SMIM3: variants seen among roughly 807,000 people sequenced by gnomAD.
SMIM3 encodes NGF-induced differentiation clone 67 protein.
In SMIM3, 4 loss-of-function variants were observed where a neutral mutation model predicts 2.1. That is an observed-to-expected ratio of 1.89 (90% CI 0.93 to 4.31). The LOEUF (loss-of-function observed/expected upper bound fraction) is 4.31, where lower values mean the gene tolerates loss of function less well. Among genes scored for constraint, SMIM3 ranks in the 30% most tolerant of loss-of-function variants. SMIM3 has a pLI of 0.01. For synonymous variants in SMIM3, 29 were observed against 30.8 expected, an observed-to-expected ratio of 0.94 and a Z score of 0.19; for missense variants, 79 against 77.7, an observed-to-expected ratio of 1.02 and a Z score of -0.06.
At chr5:150,784,710 T>C (rs1316618720) in intron 1 of SMIM3, among the ~76,000 whole-genome samples, 1 of 152,220 alleles carries the variant, frequency 6.6e-6, no homozygotes, top group Non-Finnish European at 1.5e-5. Flanking sequence ...GTGTCTCTTA[T>C]AAAAAATATA....
chr5:150,784,319 T>C lies in SMIM3; in HGVS notation c.-12+5347T>C, dbSNP rs558023351. On this transcript the variant is annotated intron_variant, in intron 1 of 1. Transcript: ENST00000526627. ...TAGTTATTATTTCCATTTTACAAAT[T>C]AGGAGACTAAAGCTCAAAGAGGTTA... 7.9e-5 allele frequency among the ~76,000 whole-genome samples: 12 copies of C among 152,298 alleles called. No homozygotes were observed. The South Asian group carries it at 2.5e-3, about 32-fold the overall frequency.
chr5:150,785,344 C>G (rs915231378), intron 1 of SMIM3, among the ~76,000 whole-genome samples: 3 of 151,930 alleles, frequency 2.0e-5, no homozygotes, highest in Non-Finnish European at 4.4e-5. Flanking sequence ...GCCTTGGCCT[C>G]TCAAAGTGCT....
chr5:150,790,380 T>A (rs910398890), intron 1 of SMIM3, among the ~76,000 whole-genome samples: 1 of 152,204 alleles, frequency 6.6e-6, no homozygotes, highest in Non-Finnish European at 1.5e-5. Context: ...TAGCTGTTGA[T>A]GTAGTCAGGA....
rs1009740234 is a variant in SMIM3, at chr5:150,796,668, G to A, written c.*1045G>A. The A allele has an allele frequency of 1.3e-5, 2 of 152,370 alleles. No individual in the cohort carries two copies. Among genetic ancestry groups the A allele is most frequent in the Admixed American group, 1.3e-4 (2 of 15,280 alleles). 9.4% of individuals were successfully genotyped at this position (152,370 alleles called of 1,614,324 possible). A position where few individuals can be genotyped will look rare whatever the true frequency, so the allele number is the denominator to read the frequency against. ...TATCGGGATATTATTGTGTGAAAAT[G>A]CTGCTTTTACTTTGATGTGATCTCA... On this transcript the variant is annotated 3_prime_UTR_variant, in exon 2 of 2. Transcript: ENST00000526627.
chr5:150,781,674 CAT>C (rs1389372501), intron 1 of SMIM3, among the ~76,000 whole-genome samples: 3 of 152,180 alleles, frequency 2.0e-5, no homozygotes, highest in Non-Finnish European at 2.9e-5. Flanking sequence ...TTTCCACACA[CAT>C]GAGGCTGACT....
chr5:150,783,921 T>G (rs1480189860), intron 1 of SMIM3, among the ~76,000 whole-genome samples: 1 of 124,114 alleles, frequency 8.1e-6, no homozygotes, highest in Admixed American at 7.4e-5. Flanking sequence ...TCCCTTTTTT[T>G]TTTTTTTTTT....
chr5:150,790,235 G>T (rs924820853), intron 1 of SMIM3, among the ~76,000 whole-genome samples: 2 of 152,152 alleles, frequency 1.3e-5, no homozygotes, highest in African/African-American at 4.8e-5. Context: ...CTGAGTTCCT[G>T]TATCTTACAG....
chr5:150,782,954 T>A (rs1447093805), intron 1 of SMIM3, among the ~76,000 whole-genome samples: 1 of 152,190 alleles, frequency 6.6e-6, no homozygotes, highest in African/African-American at 2.4e-5. Flanking sequence ...TGAACAAGTC[T>A]TTAGCCTGAT....
At chr5:150,786,527 T>A (rs556281591) in intron 1 of SMIM3, among the ~76,000 whole-genome samples, 1 of 152,240 alleles carries the variant, frequency 6.6e-6, no homozygotes, top group Non-Finnish European at 1.5e-5. Context: ...GCTCAAGTGA[T>A]CCACCTGCCT....
chr5:150,790,321 A>T (rs74973123), intron 1 of SMIM3, among the ~76,000 whole-genome samples: 14,294 of 152,148 alleles, frequency 0.094, 1,002 homozygotes, highest in East Asian at 0.41. Flanking sequence ...TTGATGTTAA[A>T]GGGTTTACAG....
chr5:150,780,388 A>G (rs1753219241), intron 1 of SMIM3, among the ~76,000 whole-genome samples: 1 of 152,252 alleles, frequency 6.6e-6, no homozygotes, highest in African/African-American at 2.4e-5. Context: ...CTGCAGTGAC[A>G]ACTGAAAAAA....
At chr5:150,793,246 C>T (rs1753366975) in intron 1 of SMIM3, among the ~76,000 whole-genome samples, 2 of 152,078 alleles carry the variant, frequency 1.3e-5, no homozygotes, top group Admixed American at 1.3e-4. Flanking sequence ...ACCATACTGC[C>T]AAAAGCAATC....
Position 150,781,008 on chromosome 5 carries a change from C to G in SMIM3, c.-12+2036C>G, listed in dbSNP as rs1753227274. On this transcript the variant is annotated intron_variant, in intron 1 of 1. Transcript: ENST00000526627. Reference sequence around the variant, plus strand: ...TACTTACTATAAGCTAGGCATGACTCTAAGCATTTTACTTGTATTAACTCA... The same window carrying G: ...TACTTACTATAAGCTAGGCATGACTGTAAGCATTTTACTTGTATTAACTCA... Among the ~76,000 whole-genome samples, 3 of 152,296 alleles carry G rather than the reference C, an allele frequency of 2.0e-5. No homozygotes were observed. In the South Asian group the frequency reaches 6.2e-4, roughly 32 times the overall value.
intron 1 of SMIM3, among the ~76,000 whole-genome samples, chr5:150,790,270 G>T (rs1753336597): frequency 6.6e-6 from 1 of 152,038 alleles, no homozygotes; most frequent in Admixed American, 6.6e-5. Context: ...AATCAGCCAG[G>T]GTGATTACGT....
chr5:150,785,083 CTTTTTTTTTTTT>C (rs35401611), intron 1 of SMIM3, among the ~76,000 whole-genome samples: 2 of 92,194 alleles, frequency 2.2e-5, no homozygotes, highest in Non-Finnish European at 4.2e-5. Context: ...CTGAAAATGT[CTTTTTTTTTTTT>C]TTTTTTTTTT....
Position 150,778,928 on chromosome 5 carries a change from C to A in SMIM3, c.-56C>A, listed in dbSNP as rs1438896887. On this transcript the variant is annotated 5_prime_UTR_variant, in exon 1 of 2. Transcript: ENST00000526627. ...CCTGGGGACCCTGAGAAGCACCGAG[C>A]CATCCCTGACCCAGGAACTTTCCGC... 1.9e-6 allele frequency: 1 copy of A among 515,552 alleles called. No individual in the cohort carries two copies. The highest frequency in any genetic ancestry group is 4.0e-6 in the Non-Finnish European group (1 of 251,764). The allele number at this position is 515,552 out of a possible 1,614,324, so 31.9% of individuals were successfully genotyped here. A position where few individuals can be genotyped will look rare whatever the true frequency, so the allele number is the denominator to read the frequency against.
At chr5:150,785,706 C>T (rs1216687511) in intron 1 of SMIM3, among the ~76,000 whole-genome samples, 2 of 151,194 alleles carry the variant, frequency 1.3e-5, no homozygotes, top group African/African-American at 4.9e-5. Flanking sequence ...CTTTAGCTTC[C>T]CAAGTAGCTG....
rs568527992 is a variant in SMIM3, at chr5:150,796,163, C to G, written c.*540C>G. On this transcript the variant is annotated 3_prime_UTR_variant, in exon 2 of 2. Transcript: ENST00000526627. Reference sequence around the variant, plus strand: ...TCAGTTTGGAGGGTGATGGGTAGAGCTTTCCAGAACCTTCTCCATTCCAGA... The same window carrying G: ...TCAGTTTGGAGGGTGATGGGTAGAGGTTTCCAGAACCTTCTCCATTCCAGA... 6.4e-6 allele frequency: 1 copy of G among 155,254 alleles called. No individual in the cohort carries two copies. Among genetic ancestry groups the G allele is most frequent in the Non-Finnish European group, 1.4e-5 (1 of 69,450 alleles). The allele number at this position is 155,254 out of a possible 1,614,324, so 9.6% of individuals were successfully genotyped here.
chr5:150,784,780 G>A (rs187336974), intron 1 of SMIM3, among the ~76,000 whole-genome samples: 6 of 152,100 alleles, frequency 3.9e-5, no homozygotes, highest in Non-Finnish European at 8.8e-5. Flanking sequence ...GTTAGTTTGG[G>A]TTTAAATCTA....
Sources: allele counts gnomAD v4.1 joint callset (sites outside exome capture counted in the v4.1 genomes callset), GRCh38; gene constraint gnomAD v4.1.1; transcripts MANE v1.5; gene names NCBI Gene and HGNC (gene_info 2026-07-23, HGNC 2026-07-21).